Variants in COLEC12 observed in about 807,000 individuals in gnomAD.
COLEC12 encodes the protein collectin subfamily member 12.
A neutral mutation model predicts 71.1 loss-of-function variants in COLEC12; 33 were observed. That is an observed-to-expected ratio of 0.46 (90% confidence interval 0.35 to 0.62). COLEC12 has a LOEUF of 0.62. Among genes scored for constraint, COLEC12 ranks in the 20% least tolerant of loss-of-function variants. COLEC12 has a pLI of 0.00. For synonymous variants in COLEC12, 350 were observed against 353.0 expected, an observed-to-expected ratio of 0.99 and a Z score of 0.10; for missense variants, 765 against 916.1, an observed-to-expected ratio of 0.84 and a Z score of 2.13.
chr18:372,755 C>T (rs1915028669), intron 2 of COLEC12, among the ~76,000 whole-genome samples: 1 of 152,166 alleles, frequency 6.6e-6, no homozygotes, highest in South Asian at 2.1e-4. Context: ...TAATATGATT[C>T]ACACAAAATA....
chr18:476,720 G>A (rs1917312875), intron 2 of COLEC12, among the ~76,000 whole-genome samples: 1 of 152,204 alleles, frequency 6.6e-6, no homozygotes, highest in South Asian at 2.1e-4. Context: ...TGCTTTTAAT[G>A]AAACAGGTAA....
chr18:498,755 G>A (rs1486690818), intron 1 of COLEC12, among the ~76,000 whole-genome samples: 2 of 152,148 alleles, frequency 1.3e-5, no homozygotes, highest in African/African-American at 2.4e-5. Flanking sequence ...CGACTGGGGC[G>A]GAAAGTGTAT....
intron 2 of COLEC12, among the ~76,000 whole-genome samples, chr18:412,541 A>G (rs1393553079): frequency 6.6e-6 from 1 of 152,108 alleles, no homozygotes; most frequent in Non-Finnish European, 1.5e-5. Context: ...AGAACAAAGC[A>G]AACAAAAATA....
intron 5 of COLEC12, among the ~76,000 whole-genome samples, chr18:343,115 C>T (rs986927525): frequency 1.3e-5 from 2 of 152,198 alleles, no homozygotes; most frequent in African/African-American, 2.4e-5. Flanking sequence ...ACACCAACCC[C>T]CTACCATGTG....
chr18:481,315 ATGGGTAAC>A (rs1917410929), intron 1 of COLEC12, among the ~76,000 whole-genome samples: 2 of 152,058 alleles, frequency 1.3e-5, no homozygotes, highest in South Asian at 4.1e-4. Flanking sequence ...CCTCCTTCCG[ATGGGTAAC>A]TGGGACCAAC....
At chr18:454,680 C>G (rs1916830437) in intron 2 of COLEC12, among the ~76,000 whole-genome samples, 1 of 152,110 alleles carries the variant, frequency 6.6e-6, no homozygotes, top group African/African-American at 2.4e-5. Context: ...GAGACTCTGT[C>G]TCCAAAAAAA....
At chr18:393,587 T>C (rs773157207) in intron 2 of COLEC12, among the ~76,000 whole-genome samples, 28 of 152,220 alleles carry the variant, frequency 1.8e-4, no homozygotes, top group African/African-American at 2.7e-4. Flanking sequence ...TGCACTTTCA[T>C]GTTGCCCTGC....
chr18:369,057 T>C (rs990386402), intron 2 of COLEC12, among the ~76,000 whole-genome samples: 40 of 152,304 alleles, frequency 2.6e-4, no homozygotes, highest in African/African-American at 9.4e-4. Flanking sequence ...GCTGGAAGTA[T>C]TCACACCATT....
At chr18:398,686 A>T (rs1915619230) in intron 2 of COLEC12, among the ~76,000 whole-genome samples, 1 of 152,224 alleles carries the variant, frequency 6.6e-6, no homozygotes, top group Non-Finnish European at 1.5e-5. Flanking sequence ...TCTGCTTATA[A>T]TGTGGGACTA....
At chr18:463,959 C>A (rs1917035737) in intron 2 of COLEC12, among the ~76,000 whole-genome samples, 1 of 152,182 alleles carries the variant, frequency 6.6e-6, no homozygotes, top group Non-Finnish European at 1.5e-5. Context: ...ACCCTATGCC[C>A]TACAGCTCCA....
chr18:464,991 G>A (rs1334232486), intron 2 of COLEC12, among the ~76,000 whole-genome samples: 2 of 152,204 alleles, frequency 1.3e-5, no homozygotes, highest in Non-Finnish European at 2.9e-5. Context: ...TCTACTTACA[G>A]GAAGTTTCTC....
intron 2 of COLEC12, among the ~76,000 whole-genome samples, chr18:472,677 A>ACC: frequency 2.2e-4 from 11 of 49,416 alleles, no homozygotes; most frequent in African/African-American, 8.0e-4. Context: ...AGGCCCTGTG[A>ACC]CAAAAAAAAA....
rs58275886 is a variant in COLEC12 at position 461,677 on chromosome 18, T to C, written c.58+19030A>G. Among the ~76,000 whole-genome samples the C allele has an allele frequency of 5.4e-3, 748 of 137,870 alleles. 12 individuals carry two copies. Among genetic ancestry groups the C allele is most frequent in the African/African-American group, 0.02 (727 of 36,434 alleles). 90.4% of individuals were successfully genotyped at this position (137,870 alleles called of 152,430 possible). On this transcript the variant is annotated intron_variant, in intron 2 of 9. Transcript: ENST00000400256. ...TACTAGGATTACAGATGTGAGACAC[T>C]GTACCCGGCTAAGAGATTTTTTTTT...
chr18:404,455 G>T (rs1484078531), intron 2 of COLEC12, among the ~76,000 whole-genome samples: 1 of 152,150 alleles, frequency 6.6e-6, no homozygotes, highest in African/African-American at 2.4e-5. Flanking sequence ...ACCAAGTCAT[G>T]AACTTGTGTT....
intron 2 of COLEC12, among the ~76,000 whole-genome samples, chr18:360,710 C>A (rs1362920355): frequency 6.6e-6 from 1 of 152,194 alleles, no homozygotes; most frequent in Admixed American, 6.5e-5. Flanking sequence ...GAGGACCACA[C>A]TTCGAGGAGC....
intron 3 of COLEC12, among the ~76,000 whole-genome samples, chr18:348,416 G>A (rs1386501147): frequency 6.6e-6 from 1 of 152,122 alleles, no homozygotes; most frequent in African/African-American, 2.4e-5. Flanking sequence ...TAATGCCTTG[G>A]ATGTTTCAGA....
chr18:498,439 A>G (rs1450633619), intron 1 of COLEC12, among the ~76,000 whole-genome samples: 1 of 148,710 alleles, frequency 6.7e-6, no homozygotes, highest in Non-Finnish European at 1.5e-5. Flanking sequence ...GGCTCACTGC[A>G]ACCTCCATCT....
intron 2 of COLEC12, among the ~76,000 whole-genome samples, chr18:448,640 T>C (rs1202587106): frequency 6.6e-6 from 1 of 152,134 alleles, no homozygotes; most frequent in African/African-American, 2.4e-5. Flanking sequence ...CTGGTGGACT[T>C]TGAATAAAAT....
chr18:378,151 A>G (rs140504273), intron 2 of COLEC12, among the ~76,000 whole-genome samples: 1,634 of 152,244 alleles, frequency 0.011, 10 homozygotes, highest in Non-Finnish European at 0.016. Flanking sequence ...CCCAACAGAG[A>G]CATTTAAAAA....
Sources: allele counts gnomAD v4.1 joint callset (sites outside exome capture counted in the v4.1 genomes callset), GRCh38; gene constraint gnomAD v4.1.1; transcripts MANE v1.5; gene names NCBI Gene and HGNC (gene_info 2026-07-23, HGNC 2026-07-21).